Variants in ANKRD2 observed in about 807,000 individuals in gnomAD.
ANKRD2 encodes the protein ankyrin repeat domain-containing protein 2.
ANKRD2 carries 35 observed loss-of-function variants against 37.3 expected under a neutral mutation model. The observed-to-expected ratio is 0.94, with a 90% confidence interval of 0.72 to 1.24. The LOEUF (loss-of-function observed/expected upper bound fraction) is 1.24. Among genes scored for constraint, ANKRD2 ranks in the 50% most tolerant of loss-of-function variants. The pLI is 0.00. For missense variants in ANKRD2, 410 were observed against 445.6 expected (o/e 0.92, Z 0.72); for synonymous variants, 159 against 186.5 (o/e 0.85, Z 1.20).
intron 5 of ANKRD2, 24 bp downstream of exon 5, chr10:97,580,977 A>G (rs922187724): frequency 9.6e-6 from 15 of 1,556,956 alleles, no homozygotes; most frequent in Admixed American, 3.8e-5. Context: ...CAGGTATTCA[A>G]TGGGAGACAG....
chr10:97,579,646 G>C (rs190489293), intron 4 of ANKRD2, among the ~76,000 whole-genome samples: 1 of 151,200 alleles, frequency 6.6e-6, no homozygotes, highest in African/African-American at 2.4e-5. Context: ...GGAGTGCAGC[G>C]GTGCGATCTC....
intron 8 of ANKRD2, 123 bp from the exon 9 acceptor site, chr10:97,583,453 A>G: frequency 1.0e-6 from 1 of 954,000 alleles, no homozygotes; most frequent in South Asian, 1.8e-5. Context: ...TCTTCACACA[A>G]TGCCAGTTGC....
rs538362754 is a variant in ANKRD2, at chr10:97,582,314, G to GC, written c.655dup (p.Leu219ProfsTer41). 3.9e-6 allele frequency: 6 copies of GC among 1,554,068 alleles called. No individual in the cohort carries two copies. In the South Asian group the frequency reaches 7.1e-5, roughly 18 times the overall value. ...AGCAGTTCCTGATTCCTCCCACCCA[G>GC]CTGCTGAGCACCCCGCTGCACGTGG... On this transcript the variant is annotated frameshift_variant and splice_region_variant. Coordinates refer to ENST00000370655, the MANE Select transcript of ANKRD2 (RefSeq NM_001346793.2). LOFTEE classifies it high-confidence loss of function.
upstream of ANKRD2, chr10:97,572,648 G>A (rs1264855411): frequency 3.3e-6 from 5 of 1,536,300 alleles, no homozygotes; most frequent in African/African-American, 6.8e-5. Flanking sequence ...GCTCCCTGGG[G>A]CTGCCCGAGG....
intron 1 of ANKRD2, among the ~76,000 whole-genome samples, chr10:97,575,740 C>T (rs774667494): frequency 7.2e-5 from 11 of 152,146 alleles, no homozygotes; most frequent in Non-Finnish European, 1.5e-4. Context: ...GGAACCCTGT[C>T]TCTACTAAAA....
At chr10:97,572,944 A>G in intron 1 of ANKRD2, 69 bp downstream of exon 1, 1 of 1,500,674 alleles carries the variant, frequency 6.7e-7, no homozygotes, top group Non-Finnish European at 9.0e-7. Context: ...GGGGAGGGAG[A>G]TCCTGTCTGC....
rs1272720887 is a variant in ANKRD2, at chr10:97,572,877, T to C, written c.87+2T>C. On this transcript the variant is annotated splice_donor_variant, in intron 1 of 8. Transcript: ENST00000370655. LOFTEE classifies it high-confidence loss of function. ...CTGGCACAGGAGGAGGAGAATGAGG[T>C]GCGAGCAGGGGTGGAGGTGCCCAAG... is the stretch of plus-strand genomic sequence containing the variant. The C allele has an allele frequency of 6.4e-7, 1 of 1,550,916 alleles. No homozygotes were observed. Among genetic ancestry groups the C allele is most frequent in the Admixed American group, 2.0e-5 (1 of 50,960 alleles).
intron 6 of ANKRD2, among the ~76,000 whole-genome samples, chr10:97,581,734 A>G (rs2040900890): frequency 2.0e-5 from 3 of 152,216 alleles, no homozygotes. Flanking sequence ...GTTATCTGTC[A>G]TTATCCTTCT....
intron 2 of ANKRD2, 96 bp from the exon 3 acceptor site, chr10:97,578,144 G>GGCCCACCCA: frequency 1.5e-6 from 1 of 685,444 alleles, no homozygotes; most frequent in Non-Finnish European, 2.5e-6. Context: ...GGGTCTTCCT[G>GGCCCACCCA]CCCACCCCAC....
At chr10:97,582,448 G>T (rs2040911074) in intron 7 of ANKRD2, 35 bp downstream of exon 7, 1 of 1,590,356 alleles carries the variant, frequency 6.3e-7, no homozygotes, top group Non-Finnish European at 8.6e-7. Context: ...CACCCGCCAT[G>T]GGTGTGTGGG....
At chr10:97,583,147 T>C (rs12243325) in intron 8 of ANKRD2, among the ~76,000 whole-genome samples, 5,476 of 152,224 alleles carry the variant, frequency 0.036, 314 homozygotes, top group African/African-American at 0.12. Context: ...GGGAACACCT[T>C]GGACTAGGGA....
rs1395868781 is a variant in ANKRD2, at chr10:97,583,799, G to T, written c.*74G>T. 7 of 1,398,692 alleles carry T rather than the reference G, an allele frequency of 5.0e-6. No homozygotes were observed. The highest frequency in any genetic ancestry group is 6.5e-6 in the Non-Finnish European group (7 of 1,070,814). The allele number at this position is 1,398,692 out of a possible 1,614,324, so 86.6% of individuals were successfully genotyped here. ...CGGAGGGTCCTAAGAATGGCTCCCG[G>T]AGCTAACTGAGGGCCCAGCCTTTTT... On this transcript the variant is annotated 3_prime_UTR_variant, in exon 9 of 9. Transcript: ENST00000370655.
At chr10:97,573,512 C>T (rs182744046) in intron 1 of ANKRD2, among the ~76,000 whole-genome samples, 1,559 of 152,060 alleles carry the variant, frequency 0.01, 13 homozygotes, top group Non-Finnish European at 0.016. Context: ...CTGCAACCTC[C>T]GCCTCCTGGG....
chr10:97,578,250 G>T lies in ANKRD2; in HGVS notation c.200G>T (p.Arg67Leu). Residue 67 changes from arginine (R) to leucine (L), a missense_variant, in exon 3 of 9, where the codon CGC (arginine) becomes CTC (leucine). Transcript: ENST00000370655. ...AALQKVKGQE[R>L]VRKTSLDLRR... ...GGCCATCCCGCGCAGGGCCAAGAGCGCGTGCGCAAGACGTCCCTGGACCTG... is the reference window on the plus strand; with the variant it reads ...GGCCATCCCGCGCAGGGCCAAGAGCTCGTGCGCAAGACGTCCCTGGACCTG... The T allele has an allele frequency of 6.2e-7, 1 of 1,608,940 alleles. No homozygotes were observed. Among genetic ancestry groups the T allele is most frequent in the Non-Finnish European group, 8.5e-7 (1 of 1,177,702 alleles).
intron 1 of ANKRD2, among the ~76,000 whole-genome samples, chr10:97,576,219 C>T (rs1232379209): frequency 6.6e-6 from 1 of 152,068 alleles, no homozygotes; most frequent in East Asian, 1.9e-4. Context: ...TAAGGGTGGC[C>T]TCCTTCCCAG....
intron 8 of ANKRD2, among the ~76,000 whole-genome samples, chr10:97,583,175 T>C (rs1323081627): frequency 6.6e-6 from 1 of 152,184 alleles, no homozygotes; most frequent in African/African-American, 2.4e-5. Flanking sequence ...GTCCAAGTTC[T>C]TCTTTGGGGC....
intron 8 of ANKRD2, 86 bp downstream of exon 8, chr10:97,582,788 C>T (rs765107692): frequency 1.4e-5 from 17 of 1,223,806 alleles, no homozygotes; most frequent in Non-Finnish European, 2.0e-5. Flanking sequence ...GCAGCCCCCG[C>T]CTAGGGACAT....
Position 97,583,776 on chromosome 10 carries a change from G to A in ANKRD2, c.*51G>A, listed in dbSNP as rs776264500. The A allele has an allele frequency of 4.1e-6, 6 of 1,457,886 alleles. No individual in the cohort carries two copies. The African/African-American group carries it at 8.9e-5, about 22-fold the overall frequency. The allele number at this position is 1,457,886 out of a possible 1,614,324, so 90.3% of individuals were successfully genotyped here. A position where few individuals can be genotyped will look rare whatever the true frequency, so the allele number is the denominator to read the frequency against. On this transcript the variant is annotated 3_prime_UTR_variant, in exon 9 of 9. Coordinates refer to ENST00000370655, the MANE Select transcript of ANKRD2 (RefSeq NM_001346793.2). ...CCCAGCCCCTCTCTGTGTGCAGCCG[G>A]AGGGTCCTAAGAATGGCTCCCGGAG...
At chr10:97,577,967 C>G in intron 2 of ANKRD2, 66 bp downstream of exon 2, 1 of 1,441,152 alleles carries the variant, frequency 6.9e-7, no homozygotes, top group Non-Finnish European at 9.3e-7. Flanking sequence ...CCTGTCTGCA[C>G]CTCTCCCCAC....
Sources: gnomAD v4.1 joint callset for allele counts (sites outside exome capture counted in the v4.1 genomes callset) on GRCh38, gnomAD v4.1.1 for gene constraint, MANE v1.5 for transcripts, NCBI Gene and HGNC (gene_info 2026-07-23, HGNC 2026-07-21) for gene names.